ARL15: variants seen among roughly 807,000 people sequenced by gnomAD.
The protein encoded by ARL15 is ADP-ribosylation factor-like protein 15.
ARL15 carries 19 observed loss-of-function variants against 25.2 expected under a neutral mutation model. The observed-to-expected ratio is 0.75, with a 90% CI of 0.53 to 1.10. The LOEUF (loss-of-function observed/expected upper bound fraction) is 1.10. ARL15 is among the 50% of genes least tolerant of loss of function. ARL15 has a pLI of 0.00. For missense variants in ARL15, 220 were observed against 246.0 expected (o/e 0.89, Z 0.71); for synonymous variants, 94 against 86.8 (o/e 1.08, Z -0.46).
intron 1 of ARL15, among the ~76,000 whole-genome samples, chr5:54,263,143 T>C (rs998392268): frequency 1.3e-5 from 2 of 152,214 alleles, no homozygotes; most frequent in African/African-American, 4.8e-5. Context: ...TTTAGTTTTT[T>C]TTTTAAAGTA....
At chr5:54,274,901 A>T (rs1184028280) in intron 1 of ARL15, among the ~76,000 whole-genome samples, 1 of 152,134 alleles carries the variant, frequency 6.6e-6, no homozygotes. Flanking sequence ...CTCAAAAAAA[A>T]CCTTTATAAA....
At chr5:53,892,709 C>A (rs1744759176) in intron 4 of ARL15, among the ~76,000 whole-genome samples, 1 of 151,694 alleles carries the variant, frequency 6.6e-6, no homozygotes, top group African/African-American at 2.4e-5. Flanking sequence ...CTCAAGCAAT[C>A]CTCCCACCTC....
intron 1 of ARL15, among the ~76,000 whole-genome samples, chr5:54,308,297 C>G (rs1038771641): frequency 6.6e-6 from 1 of 152,168 alleles, no homozygotes; most frequent in Non-Finnish European, 1.5e-5. Flanking sequence ...TAAACTGTTT[C>G]CTTTAAGATT....
chr5:54,162,578 C>T (rs1353917982), intron 2 of ARL15, among the ~76,000 whole-genome samples: 2 of 152,094 alleles, frequency 1.3e-5, no homozygotes, highest in Non-Finnish European at 2.9e-5. Flanking sequence ...ATATATGGAC[C>T]TCTGCATTCC....
chr5:54,063,467 A>G (rs1183604305), intron 4 of ARL15, among the ~76,000 whole-genome samples: 1 of 152,218 alleles, frequency 6.6e-6, no homozygotes, highest in Non-Finnish European at 1.5e-5. Flanking sequence ...TACCTGATAT[A>G]GTAAGATGAG....
At chr5:54,271,045 T>G (rs1354091564) in intron 1 of ARL15, among the ~76,000 whole-genome samples, 1 of 152,180 alleles carries the variant, frequency 6.6e-6, no homozygotes, top group Non-Finnish European at 1.5e-5. Context: ...TCCCAGGCCT[T>G]TGGACTCCAA....
intron 4 of ARL15, among the ~76,000 whole-genome samples, chr5:54,005,444 G>A (rs534935518): frequency 6.6e-5 from 10 of 152,184 alleles, no homozygotes; most frequent in Middle Eastern, 3.4e-3. Context: ...TTATTGGACC[G>A]GGTGCAGTGG....
chr5:54,027,330 C>G (rs1200568277), intron 4 of ARL15, among the ~76,000 whole-genome samples: 1 of 152,196 alleles, frequency 6.6e-6, no homozygotes, highest in Non-Finnish European at 1.5e-5. Context: ...CAAGTCTTGT[C>G]TTAACCAGTC....
chr5:54,063,733 T>C (rs1485852780), intron 4 of ARL15, among the ~76,000 whole-genome samples: 4 of 152,238 alleles, frequency 2.6e-5, no homozygotes, highest in Non-Finnish European at 5.9e-5. Flanking sequence ...ATCTTGTTTT[T>C]ATCTCAATTA....
At chr5:53,961,827 T>C (rs1747382589) in intron 4 of ARL15, among the ~76,000 whole-genome samples, 1 of 152,202 alleles carries the variant, frequency 6.6e-6, no homozygotes, top group Non-Finnish European at 1.5e-5. Context: ...ATGTCTATAA[T>C]ATACACAAAA....
intron 4 of ARL15, among the ~76,000 whole-genome samples, chr5:54,073,242 G>A (rs57076745): frequency 0.035 from 5,382 of 152,228 alleles, 329 homozygotes; most frequent in African/African-American, 0.12. Context: ...GCCAAGTTTA[G>A]CAATCTGTCA....
At chr5:54,301,905 A>C (rs1758625591) in intron 1 of ARL15, among the ~76,000 whole-genome samples, 1 of 152,260 alleles carries the variant, frequency 6.6e-6, no homozygotes. Context: ...GGTACAGAGG[A>C]ACTTGATAAA....
chr5:54,124,739 A>G (rs1244008276), intron 3 of ARL15, among the ~76,000 whole-genome samples: 2 of 152,240 alleles, frequency 1.3e-5, no homozygotes, highest in African/African-American at 4.8e-5. Flanking sequence ...ACTTGCCATA[A>G]TGGCATCATA....
intron 1 of ARL15, among the ~76,000 whole-genome samples, chr5:54,239,001 T>C (rs1474114760): frequency 6.6e-6 from 1 of 152,234 alleles, no homozygotes. Context: ...TTAATGACTC[T>C]TCTAAGTAAT....
intron 1 of ARL15, among the ~76,000 whole-genome samples, chr5:54,197,269 C>T (rs1755577097): frequency 6.6e-6 from 1 of 152,048 alleles, no homozygotes; most frequent in African/African-American, 2.4e-5. Context: ...TGGGTGCTCT[C>T]CAGGTAATGA....
chr5:54,029,542 A>G (rs577786473), intron 4 of ARL15, among the ~76,000 whole-genome samples: 3 of 152,288 alleles, frequency 2.0e-5, no homozygotes, highest in African/African-American at 7.2e-5. Context: ...TCAGTAAAAT[A>G]TAAAGTATTC....
intron 4 of ARL15, among the ~76,000 whole-genome samples, chr5:53,976,569 G>A (rs764777218): frequency 6.6e-6 from 1 of 152,204 alleles, no homozygotes; most frequent in East Asian, 1.9e-4. Context: ...GAGGGGCAAG[G>A]CTGGCAAGCA....
chr5:54,086,501 T>C (rs898036279), intron 4 of ARL15, among the ~76,000 whole-genome samples: 3 of 151,908 alleles, frequency 2.0e-5, no homozygotes, highest in African/African-American at 7.3e-5. Context: ...TTACCAGATG[T>C]AAATTTTATC....
chr5:54,030,029 G>A (rs191413046), intron 4 of ARL15, among the ~76,000 whole-genome samples: 22 of 152,112 alleles, frequency 1.4e-4, no homozygotes, highest in Admixed American at 4.6e-4. Flanking sequence ...AAAAGAATTA[G>A]CCAGGTATGG....
Sources: allele counts gnomAD v4.1 joint callset (sites outside exome capture counted in the v4.1 genomes callset), GRCh38; gene constraint gnomAD v4.1.1; transcripts MANE v1.5; gene names NCBI Gene and HGNC (gene_info 2026-07-23, HGNC 2026-07-21).